The following PPP2R2B variants were observed in gnomAD, a reference collection of about 807,000 sequenced individuals.
The protein encoded by PPP2R2B is serine/threonine-protein phosphatase 2A 55 kDa regulatory subunit B beta isoform.
Under a neutral mutation model 46.0 loss-of-function variants are expected in PPP2R2B, and 5 were observed. The observed-to-expected ratio is 0.11, with a 90% CI of 0.06 to 0.23. The LOEUF (loss-of-function observed/expected upper bound fraction) is 0.23, where lower values mean the gene tolerates loss of function less well. Among genes scored for constraint, PPP2R2B ranks in the 10% least tolerant of loss-of-function variants. The pLI is 1.00. For missense variants in PPP2R2B, 367 were observed against 575.0 expected (o/e 0.64, Z 3.70); for synonymous variants, 215 against 206.7 (o/e 1.04, Z -0.34).
chr5:146,870,311 A>G (rs1369616129), intron 2 of PPP2R2B, among the ~76,000 whole-genome samples: 1 of 152,124 alleles, frequency 6.6e-6, no homozygotes, highest in East Asian at 1.9e-4. Flanking sequence ...AGGTCCTTTA[A>G]GGAGATAATT....
chr5:146,892,260 C>A (rs1372673868), intron 1 of PPP2R2B, among the ~76,000 whole-genome samples: 4 of 152,214 alleles, frequency 2.6e-5, no homozygotes, highest in Non-Finnish European at 5.9e-5. Context: ...TGAGCAAATT[C>A]TCTTAACTTT....
intron 2 of PPP2R2B, among the ~76,000 whole-genome samples, chr5:146,833,853 A>G (rs1429101922): frequency 2.6e-5 from 4 of 152,028 alleles, no homozygotes; most frequent in Non-Finnish European, 5.9e-5. Flanking sequence ...AAAATCAAAT[A>G]ATATTCAATG....
chr5:146,920,802 C>T (rs981052221), intron 1 of PPP2R2B, among the ~76,000 whole-genome samples: 6 of 152,052 alleles, frequency 3.9e-5, no homozygotes, highest in African/African-American at 7.2e-5. Context: ...TGGGTGGGTA[C>T]GTCTGCAGTA....
At chr5:146,806,512 C>T (rs549268856) in intron 2 of PPP2R2B, among the ~76,000 whole-genome samples, 1 of 152,318 alleles carries the variant, frequency 6.6e-6, no homozygotes, top group Non-Finnish European at 1.5e-5. Flanking sequence ...CTTTCCATTC[C>T]TTCATGCTTT....
intron 2 of PPP2R2B, among the ~76,000 whole-genome samples, chr5:146,865,735 C>T (rs774362987): frequency 6.6e-6 from 1 of 152,156 alleles, no homozygotes; most frequent in Non-Finnish European, 1.5e-5. Flanking sequence ...CATTCCATTA[C>T]ATCTCTAATC....
chr5:147,007,644 C>A (rs1754507934), intron 1 of PPP2R2B, among the ~76,000 whole-genome samples: 1 of 152,180 alleles, frequency 6.6e-6, no homozygotes. Context: ...GTCTGCACTA[C>A]CTTTATGAGC....
At chr5:146,857,523 G>T (rs1307291937) in intron 2 of PPP2R2B, among the ~76,000 whole-genome samples, 1 of 152,036 alleles carries the variant, frequency 6.6e-6, no homozygotes, top group Non-Finnish European at 1.5e-5. Context: ...TTCAGAAAAA[G>T]AATCCAACCT....
intron 1 of PPP2R2B, among the ~76,000 whole-genome samples, chr5:146,921,462 T>C (rs1763605604): frequency 6.6e-6 from 1 of 152,216 alleles, no homozygotes; most frequent in Admixed American, 6.5e-5. Flanking sequence ...TCGCATTCCC[T>C]AGAGCACACG....
intron 1 of PPP2R2B, among the ~76,000 whole-genome samples, chr5:146,985,298 C>T (rs762221008): frequency 2.6e-5 from 4 of 152,084 alleles, no homozygotes; most frequent in Non-Finnish European, 4.4e-5. Flanking sequence ...AGATTACAGG[C>T]GTGAGCCACT....
At chr5:147,067,463 C>T (rs1210865337) in intron 2 of PPP2R2B, among the ~76,000 whole-genome samples, 1 of 152,150 alleles carries the variant, frequency 6.6e-6, no homozygotes, top group African/African-American at 2.4e-5. Context: ...CTAGATTCAT[C>T]AGTGTTGTCA....
intron 2 of PPP2R2B, among the ~76,000 whole-genome samples, chr5:146,864,281 CA>C (rs899233104): frequency 1.3e-5 from 2 of 150,316 alleles, no homozygotes; most frequent in African/African-American, 4.9e-5. Flanking sequence ...ACAATAGTGC[CA>C]GTTTTGGGAG....
chr5:146,625,421 C>T (rs1773982994), intron 7 of PPP2R2B, among the ~76,000 whole-genome samples: 1 of 152,130 alleles, frequency 6.6e-6, no homozygotes. Flanking sequence ...GTATCAGATG[C>T]AAATTTATCA....
rs972619031 is a variant in PPP2R2B at position 146,933,661 on chromosome 5, C to CT, written c.79+122003dup. On this transcript the variant is annotated intron_variant, in intron 1 of 8. Transcript: ENST00000336640. ...TGACCTATCGTGACAAACGGAAGTT[C>CT]TTTTTTTTTTTTAAGTTTTTTTTTT... Among the ~76,000 whole-genome samples the CT allele has an allele frequency of 5.7e-3, 801 of 140,212 alleles. 4 individuals are homozygous for CT. Among genetic ancestry groups the CT allele is most frequent in the Non-Finnish European group, 8.1e-3 (515 of 63,610 alleles). 92.0% of individuals were successfully genotyped at this position (140,212 alleles called of 152,430 possible). A position where few individuals can be genotyped will look rare whatever the true frequency, so the allele number is the denominator to read the frequency against.
At chr5:146,921,713 T>C (rs1763614547) in intron 1 of PPP2R2B, among the ~76,000 whole-genome samples, 1 of 152,172 alleles carries the variant, frequency 6.6e-6, no homozygotes, top group African/African-American at 2.4e-5. Context: ...TGCTTCTCTG[T>C]ATCAGTTCAT....
chr5:146,912,099 C>A (rs1452076699), intron 1 of PPP2R2B, among the ~76,000 whole-genome samples: 3 of 151,872 alleles, frequency 2.0e-5, no homozygotes, highest in Non-Finnish European at 4.4e-5. Flanking sequence ...GTTAGCCGGG[C>A]ATGGCGGCAT....
chr5:146,921,340 T>C (rs970735252), intron 1 of PPP2R2B, among the ~76,000 whole-genome samples: 2 of 152,216 alleles, frequency 1.3e-5, no homozygotes, highest in African/African-American at 4.8e-5. Flanking sequence ...TACAACCTGA[T>C]AGCCCCAACT....
At chr5:146,870,187 C>A (rs1761531338) in intron 2 of PPP2R2B, among the ~76,000 whole-genome samples, 1 of 152,182 alleles carries the variant, frequency 6.6e-6, no homozygotes, top group Non-Finnish European at 1.5e-5. Context: ...GTGTGATAAG[C>A]AATGCTTGAT....
At chr5:146,886,863 T>C (rs1299116379) in intron 1 of PPP2R2B, among the ~76,000 whole-genome samples, 7 of 151,474 alleles carry the variant, frequency 4.6e-5, no homozygotes, top group Admixed American at 4.6e-4. Context: ...TGCCATGAAA[T>C]ACTTTATAGG....
intron 2 of PPP2R2B, among the ~76,000 whole-genome samples, chr5:146,820,932 C>T (rs532090816): frequency 7.2e-5 from 11 of 152,280 alleles, no homozygotes; most frequent in Middle Eastern, 3.4e-3. Flanking sequence ...TCCTTTTCCA[C>T]GCCATGCCCT....
Sources: gnomAD v4.1 joint callset for allele counts (sites outside exome capture counted in the v4.1 genomes callset) on GRCh38, gnomAD v4.1.1 for gene constraint, MANE v1.5 for transcripts, NCBI Gene and HGNC (gene_info 2026-07-23, HGNC 2026-07-21) for gene names.